Variants in LAMA2 observed in about 807,000 individuals in gnomAD.
LAMA2 encodes the protein laminin subunit alpha 2.
A neutral mutation model predicts 364.8 loss-of-function variants in LAMA2; 269 were observed. The ratio of observed to expected loss-of-function variants is 0.74; its 90% CI spans 0.67 to 0.82. LAMA2 has a LOEUF of 0.82. LAMA2 is among the 40% of genes least tolerant of loss of function. The pLI, the probability that LAMA2 is intolerant of heterozygous loss-of-function variation, is 0.00. For missense variants in LAMA2, 3,807 were observed against 3,873.2 expected, an observed-to-expected ratio of 0.98 and a Z score of 0.45; for synonymous variants, 1,379 against 1,370.6, an observed-to-expected ratio of 1.01 and a Z score of -0.14.
chr6:129,099,317 G>T (rs1311551241), intron 4 of LAMA2, among the ~76,000 whole-genome samples: 2 of 151,706 alleles, frequency 1.3e-5, no homozygotes, highest in Admixed American at 6.6e-5. Context: ...TAAGTACTCT[G>T]TGCTATTTTT....
In LAMA2 at chr6:129,048,493, T is replaced by TTTCC. The variant is rs1300484688; in HGVS notation, c.113-1378_113-1375dup. Among the ~76,000 whole-genome samples the TTTCC allele has an allele frequency of 3.4e-3, 176 of 51,292 alleles. 2 individuals are homozygous for TTTCC. The highest frequency in any genetic ancestry group is 9.4e-3 in the Middle Eastern group (1 of 106). 33.6% of individuals were successfully genotyped at this position (51,292 alleles called of 152,430 possible). On this transcript the variant is annotated intron_variant, in intron 1 of 64. Transcript: ENST00000421865. ...CTTTCTTTCTTTCTTTCTTTCTTTC[T>TTTCC]TTCCTTCCTTCCTTCCTTCCTTCCT...
At chr6:129,412,868 T>C (rs1160910837) in intron 40 of LAMA2, among the ~76,000 whole-genome samples, 1 of 152,194 alleles carries the variant, frequency 6.6e-6, no homozygotes, top group African/African-American at 2.4e-5. Flanking sequence ...TGACCAGAAG[T>C]AGCCGTGTGC....
intron 12 of LAMA2, among the ~76,000 whole-genome samples, chr6:129,215,848 T>C (rs1320723589): frequency 1.3e-5 from 2 of 152,120 alleles, no homozygotes; most frequent in African/African-American, 4.8e-5. Context: ...AAAATAAAAC[T>C]TGATTGAGTA....
intron 40 of LAMA2, among the ~76,000 whole-genome samples, chr6:129,423,760 G>T (rs1018560841): frequency 1.3e-5 from 2 of 151,902 alleles, no homozygotes; most frequent in South Asian, 4.1e-4. Flanking sequence ...ATAAATAAAA[G>T]AAAATCTAAA....
intron 1 of LAMA2, among the ~76,000 whole-genome samples, chr6:128,942,544 A>G (rs901148222): frequency 6.6e-6 from 1 of 152,160 alleles, no homozygotes; most frequent in Admixed American, 6.5e-5. Flanking sequence ...TTCTAAAAGT[A>G]TTTGTATGTG....
chr6:129,447,212 C>T (rs1233292665), intron 45 of LAMA2, among the ~76,000 whole-genome samples: 1 of 152,172 alleles, frequency 6.6e-6, no homozygotes, highest in Non-Finnish European at 1.5e-5. Context: ...AAAATATGTA[C>T]ACGTACCTTG....
intron 18 of LAMA2, 69 bp from the exon 19 acceptor site, chr6:129,287,778 G>T: frequency 7.9e-7 from 1 of 1,264,592 alleles, no homozygotes; most frequent in South Asian, 1.2e-5. Flanking sequence ...AGGGGAGAAT[G>T]AAAAATATGT....
At chr6:129,294,658 A>T (rs1388409768) in intron 20 of LAMA2, among the ~76,000 whole-genome samples, 2 of 152,168 alleles carry the variant, frequency 1.3e-5, no homozygotes, top group Non-Finnish European at 2.9e-5. Context: ...TCCATTACAG[A>T]GCACCTCTGA....
At chr6:129,431,127 G>A (rs892880321) in intron 41 of LAMA2, among the ~76,000 whole-genome samples, 2 of 151,852 alleles carry the variant, frequency 1.3e-5, no homozygotes, top group African/African-American at 2.4e-5. Flanking sequence ...GGCCAGGTGC[G>A]GTGGCTCGCA....
intron 34 of LAMA2, among the ~76,000 whole-genome samples, chr6:129,370,483 C>G (rs1778008814): frequency 6.6e-6 from 1 of 152,186 alleles, no homozygotes; most frequent in Non-Finnish European, 1.5e-5. Flanking sequence ...AATGTAAAGT[C>G]CATGTTGCAT....
intron 1 of LAMA2, among the ~76,000 whole-genome samples, chr6:128,935,743 A>G (rs575921354): frequency 2.6e-5 from 4 of 152,236 alleles, no homozygotes; most frequent in African/African-American, 7.2e-5. Flanking sequence ...AACAGAGACA[A>G]TTTACCTTCT....
chr6:128,929,616 G>C lies in LAMA2; in HGVS notation c.112+46259G>C, dbSNP rs532740929. ...CCAGATGCCGCAAAAGCGCTTCCAC[G>C]ATGCTGACCTGCTCAAATATGGAAT... On this transcript the variant is annotated intron_variant, in intron 1 of 64. Coordinates refer to ENST00000421865, the MANE Select transcript of LAMA2 (RefSeq NM_000426.4). 2.0e-5 allele frequency: 27 copies of C among 1,379,798 alleles called. No individual in the cohort carries two copies. In the South Asian group the frequency reaches 2.8e-4, roughly 14 times the overall value. 85.5% of individuals were successfully genotyped at this position (1,379,798 alleles called of 1,614,324 possible). A position where few individuals can be genotyped will look rare whatever the true frequency, so the allele number is the denominator to read the frequency against.
At chr6:129,445,514 A>G (rs957482968) in intron 44 of LAMA2, 153 bp from the exon 45 acceptor site, 1 of 668,134 alleles carries the variant, frequency 1.5e-6, no homozygotes, top group African/African-American at 1.8e-5. Context: ...TAAAATATTG[A>G]CATTTGCCAT....
intron 1 of LAMA2, among the ~76,000 whole-genome samples, chr6:128,930,241 A>G (rs1157074451): frequency 3.3e-5 from 5 of 152,098 alleles, no homozygotes; most frequent in African/African-American, 4.8e-5. Flanking sequence ...TATTTCTTAT[A>G]TTTTCCTATT....
intron 22 of LAMA2, among the ~76,000 whole-genome samples, chr6:129,306,779 A>AT (rs890301270): frequency 6.6e-6 from 1 of 151,458 alleles, no homozygotes; most frequent in African/African-American, 2.4e-5. Context: ...TAAACATTGT[A>AT]TTTTTTTATC....
At chr6:129,427,921 ACACTATTGGAGAAT>A in intron 41 of LAMA2, 67 bp downstream of exon 41, 2 of 939,254 alleles carry the variant, frequency 2.1e-6, no homozygotes, top group Non-Finnish European at 3.5e-6. Context: ...ATATTCTATC[ACACTATTGGAGAAT>A]GTAATTTCTT....
chr6:129,182,203 C>T (rs1369524664), intron 10 of LAMA2, among the ~76,000 whole-genome samples: 1 of 151,738 alleles, frequency 6.6e-6, no homozygotes, highest in South Asian at 2.1e-4. Context: ...TATTGAAGAA[C>T]ATAAAATTCT....
intron 4 of LAMA2, 50 bp downstream of exon 4, chr6:129,098,465 G>T (rs920068527): frequency 1.1e-5 from 17 of 1,604,078 alleles, no homozygotes; most frequent in Non-Finnish European, 1.4e-5. Flanking sequence ...GGTGAAATAG[G>T]CCTGTCAGAA....
chr6:129,164,974 TG>T (rs886602067), intron 8 of LAMA2, among the ~76,000 whole-genome samples: 6 of 152,154 alleles, frequency 3.9e-5, no homozygotes, highest in Admixed American at 1.3e-4. Context: ...AACTTCATAA[TG>T]GGGGAATGAA....
Sources: gnomAD v4.1 joint callset for allele counts (sites outside exome capture counted in the v4.1 genomes callset) on GRCh38, gnomAD v4.1.1 for gene constraint, MANE v1.5 for transcripts, NCBI Gene and HGNC (gene_info 2026-07-23, HGNC 2026-07-21) for gene names.